AHCY: variants seen among roughly 807,000 people sequenced by gnomAD.
The protein encoded by AHCY is S-adenosyl-L-homocysteine hydrolase.
In AHCY, 24 loss-of-function variants were observed where a neutral mutation model predicts 45.4. The observed-to-expected ratio is 0.53, with a 90% CI of 0.38 to 0.74. The LOEUF (loss-of-function observed/expected upper bound fraction) is 0.74, where lower values mean the gene tolerates loss of function less well. AHCY is among the 30% of genes least tolerant of loss of function. The pLI is 0.00. For missense variants in AHCY, 449 were observed against 594.1 expected (o/e 0.76, Z 2.54); for synonymous variants, 245 against 235.1 (o/e 1.04, Z -0.39).
upstream of AHCY, among the ~76,000 whole-genome samples, chr20:34,306,076 C>A (rs1241942932): frequency 1.5e-5 from 1 of 65,532 alleles, no homozygotes. Flanking sequence ...AACAAGACTG[C>A]CTCAAAAAAA....
chr20:34,239,270 G>T, the AHCY span, among the ~76,000 whole-genome samples: 64 of 151,500 alleles, frequency 4.2e-4, 1 homozygote, highest in Non-Finnish European at 7.4e-4. Flanking sequence ...AGGCTGGAGT[G>T]CAGTGGCACA....
chr20:34,299,637 G>C (rs1364803571), intron 1 of AHCY, among the ~76,000 whole-genome samples: 1 of 152,144 alleles, frequency 6.6e-6, no homozygotes, highest in African/African-American at 2.4e-5. Flanking sequence ...TGCCTCCACA[G>C]CACCTCCACT....
At chr20:34,242,969 G>C in the AHCY span, among the ~76,000 whole-genome samples, 3 of 152,258 alleles carry the variant, frequency 2.0e-5, no homozygotes, top group Non-Finnish European at 4.4e-5. Flanking sequence ...TACCCACTAA[G>C]GTCTTTGTTG....
chr20:34,297,110 G>A (rs1427125615), intron 1 of AHCY, among the ~76,000 whole-genome samples: 1 of 151,920 alleles, frequency 6.6e-6, no homozygotes, highest in Non-Finnish European at 1.5e-5. Flanking sequence ...TGGCCTGTCA[G>A]GTGAGAACCT....
intron 1 of AHCY, among the ~76,000 whole-genome samples, chr20:34,309,881 G>A (rs924010226): frequency 1.3e-5 from 2 of 150,868 alleles, no homozygotes; most frequent in African/African-American, 4.9e-5. Flanking sequence ...AGAAAAGGAG[G>A]TAGGGAGGGA....
chr20:34,235,042 A>G, the AHCY span: 1 of 152,230 alleles, frequency 6.6e-6, no homozygotes, highest in Admixed American at 6.5e-5. Flanking sequence ...TGGAAATGAA[A>G]TTTAAAGTAA....
chr20:34,293,914 A>G (rs1023132901), intron 3 of AHCY, 167 bp downstream of exon 3: 11 of 729,988 alleles, frequency 1.5e-5, no homozygotes, highest in Admixed American at 4.1e-5. Context: ...TTAGATGATG[A>G]TGGGACAAAG....
the AHCY span, among the ~76,000 whole-genome samples, chr20:34,256,474 A>T: frequency 6.6e-6 from 1 of 152,134 alleles, no homozygotes; most frequent in African/African-American, 2.4e-5. Context: ...CTAATTTTTT[A>T]AAAATTTTTT....
chr20:34,250,604 C>G, the AHCY span, among the ~76,000 whole-genome samples: 1 of 152,140 alleles, frequency 6.6e-6, no homozygotes, highest in Non-Finnish European at 1.5e-5. Context: ...TTGAGACCAG[C>G]CTGGTCAACA....
At chr20:34,295,766 C>T (rs375856277) in intron 1 of AHCY, among the ~76,000 whole-genome samples, 181 bp from the exon 2 acceptor site, 73 of 152,362 alleles carry the variant, frequency 4.8e-4, no homozygotes, top group African/African-American at 1.5e-3. Context: ...AAGAAAGACA[C>T]GGTCCCTGCC....
At chr20:34,305,159 C>CA (rs528737503), upstream of AHCY, among the ~76,000 whole-genome samples, 489 of 109,342 alleles carry the variant, frequency 4.5e-3, 3 homozygotes, top group Middle Eastern at 0.012. Flanking sequence ...ACTAAAAATA[C>CA]AAAAAAAAAA....
intron 1 of AHCY, among the ~76,000 whole-genome samples, chr20:34,298,618 G>T (rs933180370): frequency 8.6e-5 from 12 of 139,284 alleles, no homozygotes; most frequent in Non-Finnish European, 1.3e-4. Flanking sequence ...GAGGGGGGGG[G>T]GTGTCTCCCT....
chr20:34,291,627 G>T, intron 4 of AHCY, 96 bp from the exon 5 acceptor site: 3 of 1,161,584 alleles, frequency 2.6e-6, no homozygotes, highest in Non-Finnish European at 3.8e-6. Context: ...CTCTTTCTGG[G>T]TTCCCATCTC....
At chr20:34,268,336 G>A in the AHCY span, among the ~76,000 whole-genome samples, 132 of 152,258 alleles carry the variant, frequency 8.7e-4, no homozygotes, top group Non-Finnish European at 1.6e-3. Context: ...GCACAGCGGG[G>A]CAGCGAAGTT....
chr20:34,253,382 G>A, the AHCY span, among the ~76,000 whole-genome samples: 5 of 150,204 alleles, frequency 3.3e-5, no homozygotes, highest in South Asian at 2.1e-4. Context: ...CTGGGATTAC[G>A]GGCGTGAGCC....
At chr20:34,306,038 C>T (rs1290199688), upstream of AHCY, among the ~76,000 whole-genome samples, 3 of 142,306 alleles carry the variant, frequency 2.1e-5, no homozygotes, top group Admixed American at 1.5e-4. Context: ...GCCAAGATTG[C>T]GCCACCGCAC....
the AHCY span, among the ~76,000 whole-genome samples, chr20:34,253,231 G>A: frequency 1.3e-5 from 2 of 149,746 alleles, no homozygotes; most frequent in Non-Finnish European, 3.0e-5. Flanking sequence ...TCAGCCTCCC[G>A]AGTAGCTGGG....
intron 1 of AHCY, chr20:34,302,840 G>A (rs2036824851): frequency 2.0e-6 from 2 of 985,450 alleles, no homozygotes; most frequent in Non-Finnish European, 2.4e-6. Context: ...GCCCAGAGAG[G>A]GGTGGACGCT....
the AHCY span, chr20:34,268,848 G>A: frequency 1.0e-6 from 1 of 992,314 alleles, no homozygotes; most frequent in Non-Finnish European, 1.5e-6. Context: ...AATCTGACTG[G>A]GGGAGCGGGC....
Sources: gnomAD v4.1 joint callset for allele counts (sites outside exome capture counted in the v4.1 genomes callset) on GRCh38, gnomAD v4.1.1 for gene constraint, MANE v1.5 for transcripts, NCBI Gene and HGNC (gene_info 2026-07-23, HGNC 2026-07-21) for gene names.